SYBU: variants seen among roughly 807,000 people sequenced by gnomAD.
The protein encoded by SYBU is syntabulin, also known as GOLSYN A protein.
In SYBU, 21 loss-of-function variants were observed where a neutral mutation model predicts 35.9. The ratio of observed to expected loss-of-function variants is 0.58; its 90% confidence interval spans 0.41 to 0.84. The LOEUF (loss-of-function observed/expected upper bound fraction) is 0.84. Among genes scored for constraint, SYBU ranks in the 40% least tolerant of loss-of-function variants. The pLI is 0.00. For missense variants in SYBU, 768 were observed against 848.2 expected (o/e 0.91, Z 1.17); for synonymous variants, 319 against 324.3 (o/e 0.98, Z 0.18).
chr8:109,622,201 C>CTATG (rs1812484217), intron 2 of SYBU, among the ~76,000 whole-genome samples: 1 of 146,612 alleles, frequency 6.8e-6, no homozygotes, highest in East Asian at 2.1e-4. Flanking sequence ...ATCTATCTAT[C>CTATG]TATCTATCTA....
intron 3 of SYBU, chr8:109,608,026 T>C (rs1826247688): frequency 2.1e-6 from 3 of 1,407,168 alleles, no homozygotes; most frequent in Middle Eastern, 1.8e-4. Context: ...CATATCTCAG[T>C]AGAGTACAGT....
chr8:109,675,140 G>C (rs555692709), intron 1 of SYBU, among the ~76,000 whole-genome samples: 1 of 152,254 alleles, frequency 6.6e-6, no homozygotes, highest in East Asian at 1.9e-4. Context: ...AGCTAAAGCA[G>C]TGTGTAGAGG....
intron 3 of SYBU, among the ~76,000 whole-genome samples, chr8:109,614,139 C>G (rs1010610234): frequency 6.6e-6 from 1 of 152,196 alleles, no homozygotes; most frequent in African/African-American, 2.4e-5. Flanking sequence ...TTCTCACTTT[C>G]TACTTATTTG....
intron 1 of SYBU, among the ~76,000 whole-genome samples, chr8:109,659,492 A>G (rs1037546683): frequency 1.3e-5 from 2 of 152,148 alleles, no homozygotes; most frequent in African/African-American, 4.8e-5. Flanking sequence ...TACATTGTTC[A>G]TTTTTAATGA....
intron 3 of SYBU, among the ~76,000 whole-genome samples, chr8:109,618,073 T>C (rs1487814941): frequency 6.6e-6 from 1 of 152,220 alleles, no homozygotes; most frequent in African/African-American, 2.4e-5. Flanking sequence ...AATCTGTCTT[T>C]TCAGCTCATA....
chr8:109,615,544 C>T (rs915537035), intron 3 of SYBU, among the ~76,000 whole-genome samples: 37 of 151,914 alleles, frequency 2.4e-4, no homozygotes, highest in African/African-American at 8.2e-4. Context: ...AGAATTAGGT[C>T]GCACTCAAAA....
intron 1 of SYBU, among the ~76,000 whole-genome samples, chr8:109,673,675 G>T (rs1275289144): frequency 6.6e-6 from 1 of 152,124 alleles, no homozygotes; most frequent in Non-Finnish European, 1.5e-5. Context: ...ACCGAACAGG[G>T]AATATATTTG....
Position 109,642,775 on chromosome 8 carries a change from C to T in SYBU, c.182G>A (p.Ser61Asn). 2 of 1,613,344 alleles carry T rather than the reference C, an allele frequency of 1.2e-6. No individual in the cohort carries two copies. The highest frequency in any genetic ancestry group is 2.2e-5 in the East Asian group (1 of 44,838). ...EEESREFNPS[S>N]SGRSARTVSS... ...AACGGTCCTCGCTGAGCGCCCAGAG[C>T]TGCTGGGGTTGAACTCTCTGCTCTC... Residue 61 changes from serine to asparagine, a missense_variant, in exon 2 of 7, where the codon AGC becomes AAC. Ser to Asn is a conservative substitution (Grantham distance 46, BLOSUM62 1). Transcript: ENST00000276646.
chr8:109,651,248 T>G (rs1329006982), intron 1 of SYBU, among the ~76,000 whole-genome samples: 3 of 152,148 alleles, frequency 2.0e-5, no homozygotes, highest in Non-Finnish European at 4.4e-5. Context: ...GAAATGACCT[T>G]AACTCAGAGG....
chr8:109,578,840 G>T (rs1006403509), intron 5 of SYBU, among the ~76,000 whole-genome samples: 1 of 152,206 alleles, frequency 6.6e-6, no homozygotes, highest in African/African-American at 2.4e-5. Context: ...AATGCAAGTT[G>T]TTCTAAAATC....
intron 2 of SYBU, among the ~76,000 whole-genome samples, chr8:109,629,190 C>A (rs1813312711): frequency 6.6e-6 from 1 of 152,130 alleles, no homozygotes; most frequent in African/African-American, 2.4e-5. Flanking sequence ...ATTGGAAGTG[C>A]AACAGAAACT....
intron 1 of SYBU, among the ~76,000 whole-genome samples, chr8:109,643,964 C>T (rs1468133885): frequency 2.0e-5 from 3 of 152,204 alleles, no homozygotes; most frequent in Non-Finnish European, 2.9e-5. Context: ...ACTGCTTCCT[C>T]CAACCTCTGC....
chr8:109,590,893 G>T (rs1459536557), intron 3 of SYBU, among the ~76,000 whole-genome samples: 1 of 152,138 alleles, frequency 6.6e-6, no homozygotes, highest in Non-Finnish European at 1.5e-5. Context: ...AAATATAAAT[G>T]AAGGTAAGGA....
chr8:109,668,175 A>AAAG (rs146745500), intron 1 of SYBU, among the ~76,000 whole-genome samples: 18,340 of 93,766 alleles, frequency 0.2, 2,006 homozygotes, highest in African/African-American at 0.37. Context: ...GGAGAGAGAG[A>AAAG]GAGAGAGAGA....
chr8:109,644,289 G>A (rs560613522), intron 1 of SYBU: 1 of 519,232 alleles, frequency 1.9e-6, no homozygotes, highest in African/African-American at 1.9e-5. Context: ...TCACTGACAC[G>A]CGGGAGTCCT....
At chr8:109,640,819 CAAAAA>C (rs33993476) in intron 2 of SYBU, among the ~76,000 whole-genome samples, 6 of 82,064 alleles carry the variant, frequency 7.3e-5, no homozygotes, top group Admixed American at 5.1e-4. Context: ...AATTAGTTAG[CAAAAA>C]AAAAAAAAAA....
chr8:109,644,516 C>T, intron 1 of SYBU, 120 bp downstream of exon 1: 1 of 1,202,410 alleles, frequency 8.3e-7, no homozygotes, highest in Middle Eastern at 1.9e-4. Flanking sequence ...CCACCACCAC[C>T]TCCTTCCACC....
At chr8:109,615,420 C>A (rs1022065660) in intron 3 of SYBU, among the ~76,000 whole-genome samples, 1 of 152,046 alleles carries the variant, frequency 6.6e-6, no homozygotes, top group African/African-American at 2.4e-5. Flanking sequence ...CATCCAGGGG[C>A]CTCGCTTCCA....
intron 3 of SYBU, among the ~76,000 whole-genome samples, chr8:109,616,961 A>G (rs1586841752): frequency 6.6e-6 from 1 of 152,100 alleles, no homozygotes; most frequent in African/African-American, 2.4e-5. Context: ...CAACATGGTG[A>G]AACCCCATTT....
Sources: gnomAD v4.1 joint callset for allele counts (sites outside exome capture counted in the v4.1 genomes callset) on GRCh38, gnomAD v4.1.1 for gene constraint, MANE v1.5 for transcripts, NCBI Gene and HGNC (gene_info 2026-07-23, HGNC 2026-07-21) for gene names.